Variants in SEPTIN6 observed in about 807,000 individuals in gnomAD.
SEPTIN6 encodes the protein septin-6.
SEPTIN6 carries 8 observed loss-of-function variants against 33.6 expected under a neutral mutation model. That is an observed-to-expected ratio of 0.24 (90% CI 0.14 to 0.43). The LOEUF is 0.43. Among genes scored for constraint, SEPTIN6 ranks in the 20% least tolerant of loss-of-function variants. SEPTIN6 has a pLI of 1.00. For missense variants in SEPTIN6, 250 were observed against 340.8 expected, an observed-to-expected ratio of 0.73 and a Z score of 2.10; for synonymous variants, 131 against 140.0, an observed-to-expected ratio of 0.94 and a Z score of 0.45.
chrX:119,675,769 G>A (rs67811876), intron 1 of SEPTIN6, 101 bp from the exon 2 acceptor site: 42,531 of 394,702 alleles, frequency 0.11, 1,798 homozygotes, highest in South Asian at 0.29. Flanking sequence ...AGTCACACCC[G>A]CCCAGGCCCA....
In SEPTIN6 at chrX:119,617,060, G is replaced by C. The variant is rs758114579; in HGVS notation, c.*3033C>G. The C allele has an allele frequency of 2.1e-5, 19 of 924,878 alleles. No individual in the cohort carries two copies. Among genetic ancestry groups the C allele is most frequent in the Non-Finnish European group, 2.5e-5 (19 of 745,342 alleles). 76.2% of individuals were successfully genotyped at this position (924,878 alleles called of 1,213,427 possible). A position where few individuals can be genotyped will look rare whatever the true frequency, so the allele number is the denominator to read the frequency against. On this transcript the variant is annotated 3_prime_UTR_variant, in exon 11 of 11. Coordinates refer to ENST00000394610, the MANE Select transcript of SEPTIN6 (RefSeq NM_145799.4). ...GCCATCTACACTGCAGCTAGGGAAA[G>C]CAAACTTCTTGGCTTAAGAGAAGTG...
At position 119,619,372 on chromosome X, in the gene SEPTIN6, A is replaced by G; in HGVS notation, c.*721T>C. 1 of 814,056 alleles carries G rather than the reference A, an allele frequency of 1.2e-6. No individual in the cohort carries two copies. The highest frequency in any genetic ancestry group is 1.5e-6 in the Non-Finnish European group (1 of 676,432). The allele number at this position is 814,056 out of a possible 1,213,427, so 67.1% of individuals were successfully genotyped here. On this transcript the variant is annotated 3_prime_UTR_variant, in exon 11 of 11. Coordinates refer to ENST00000394610, the MANE Select transcript of SEPTIN6 (RefSeq NM_145799.4). ...CCTTTTGCATCTGTGGGATACCCAG[A>G]GTTAGAGAGAGGGGAAACGTCTGCT... is the stretch of plus-strand genomic sequence containing the variant.
chrX:119,660,278 G>A (rs764320665), intron 3 of SEPTIN6, among the ~76,000 whole-genome samples: 3 of 112,272 alleles, frequency 2.7e-5, no homozygotes, highest in Non-Finnish European at 5.6e-5. Context: ...CTAATGCCTT[G>A]TTTCAATGAT....
chrX:119,676,512 G>A (rs1454178832), intron 1 of SEPTIN6, among the ~76,000 whole-genome samples: 1 of 110,893 alleles, frequency 9.0e-6, no homozygotes, highest in Admixed American at 9.6e-5. Context: ...TCTCACACCT[G>A]TAATCCCAAC....
chrX:119,685,428 G>A (rs2055039810), intron 1 of SEPTIN6, among the ~76,000 whole-genome samples: 2 of 111,303 alleles, frequency 1.8e-5, no homozygotes, highest in Non-Finnish European at 3.8e-5. Context: ...GGAAGCAGAC[G>A]CAGGCAAGGA....
At chrX:119,616,531 A>ACCAT (rs750286270), downstream of SEPTIN6, 8 of 539,289 alleles carry the variant, frequency 1.5e-5, no homozygotes, top group African/African-American at 1.8e-4. Context: ...CATTTAAAAT[A>ACCAT]CCATGTGAGT....
chrX:119,685,056 G>T (rs1011202887), intron 1 of SEPTIN6, among the ~76,000 whole-genome samples: 7 of 111,910 alleles, frequency 6.3e-5, no homozygotes, highest in African/African-American at 1.9e-4. Flanking sequence ...CCAGACAGAG[G>T]AGGAGGCCCA....
chrX:119,690,549 C>A (rs1255768790), intron 1 of SEPTIN6, among the ~76,000 whole-genome samples: 1 of 107,250 alleles, frequency 9.3e-6, no homozygotes, highest in Non-Finnish European at 1.9e-5. Flanking sequence ...ATGGTGAAAA[C>A]CCCCCTCTAC....
chrX:119,618,835 A>C lies in SEPTIN6; in HGVS notation c.*1258T>G. 1 of 1,207,303 alleles carries C rather than the reference A, an allele frequency of 8.3e-7. No homozygotes were observed. The highest frequency in any genetic ancestry group is 1.8e-5 in the South Asian group (1 of 56,037). ...GGCATGTTAGCCACAGATCATTGCC[A>C]GGTCAACTCCATCTCTCACACTGTC... On this transcript the variant is annotated 3_prime_UTR_variant, in exon 11 of 11. Transcript: ENST00000394610.
chrX:119,665,364 G>A (rs1304391179), intron 2 of SEPTIN6, among the ~76,000 whole-genome samples: 1 of 111,586 alleles, frequency 9.0e-6, no homozygotes, highest in African/African-American at 3.3e-5. Context: ...TCGGCCTCCC[G>A]AAGTACTGGG....
At chrX:119,680,980 C>T (rs867532660) in intron 1 of SEPTIN6, among the ~76,000 whole-genome samples, 2 of 77,986 alleles carry the variant, frequency 2.6e-5, no homozygotes, top group Non-Finnish European at 5.3e-5. Context: ...GACTCTGTCT[C>T]AAAAAAAAAA....
At chrX:119,689,443 A>G (rs1006982048) in intron 1 of SEPTIN6, among the ~76,000 whole-genome samples, 16 of 112,080 alleles carry the variant, frequency 1.4e-4, no homozygotes, top group South Asian at 1.1e-3. Context: ...AGTGTCCACA[A>G]TTTGTCATTC....
At chrX:119,685,775 A>G (rs1242666667) in intron 1 of SEPTIN6, among the ~76,000 whole-genome samples, 2 of 111,305 alleles carry the variant, frequency 1.8e-5, no homozygotes, top group African/African-American at 3.3e-5. Flanking sequence ...GAATCTGGAA[A>G]CCCGTGAGCT....
chrX:119,678,885 A>G (rs2054895117), intron 1 of SEPTIN6, among the ~76,000 whole-genome samples: 1 of 111,742 alleles, frequency 8.9e-6, no homozygotes, highest in South Asian at 3.8e-4. Flanking sequence ...AGGAGAGGAA[A>G]TGAATTTTCA....
rs1603332316 is a variant in SEPTIN6 at position 119,633,286 on chromosome X, G to A, written c.1089+74C>T. On this transcript the variant is annotated intron_variant, in intron 8 of 10. Transcript: ENST00000394610. ...ACATTCACACCAACAGTGTAAAAGC[G>A]TTCCTATTTTTCCACAGTCTCACCA... 1.8e-5 allele frequency: 18 copies of A among 994,177 alleles called. 1 individual carries two copies. The Admixed American group carries it at 2.4e-4, about 13-fold the overall frequency. 81.9% of individuals were successfully genotyped at this position (994,177 alleles called of 1,213,427 possible). A position where few individuals can be genotyped will look rare whatever the true frequency, so the allele number is the denominator to read the frequency against.
chrX:119,637,297 C>T (rs977969887), intron 6 of SEPTIN6, 102 bp from the exon 7 acceptor site: 2 of 732,679 alleles, frequency 2.7e-6, no homozygotes, highest in African/African-American at 4.2e-5. Context: ...GTGACGTTGC[C>T]TTGCAATCTG....
At chrX:119,651,566 G>A (rs1056308839) in intron 4 of SEPTIN6, among the ~76,000 whole-genome samples, 1 of 112,062 alleles carries the variant, frequency 8.9e-6, no homozygotes, top group Non-Finnish European at 1.9e-5. Flanking sequence ...AGCTACTCGG[G>A]AGGCTGAGGC....
In SEPTIN6 at chrX:119,618,288, C is replaced by G; in HGVS notation, c.*1805G>C. ...CTGGCTTGTGCTTTGGCAGCATCAC[C>G]TTCATACTTGCTCTGGTCACTCACC... On this transcript the variant is annotated 3_prime_UTR_variant, in exon 11 of 11. Coordinates refer to ENST00000394610, the MANE Select transcript of SEPTIN6 (RefSeq NM_145799.4). 1.2e-6 allele frequency: 1 copy of G among 810,451 alleles called. No homozygotes were observed. 66.8% of individuals were successfully genotyped at this position (810,451 alleles called of 1,213,427 possible).
At chrX:119,690,340 C>T (rs757796798) in intron 1 of SEPTIN6, among the ~76,000 whole-genome samples, 243 of 71,362 alleles carry the variant, frequency 3.4e-3, no homozygotes, top group Middle Eastern at 6.1e-3. Context: ...CCCCCACATA[C>T]ATACACATAC....
Sources: allele counts gnomAD v4.1 joint callset (sites outside exome capture counted in the v4.1 genomes callset), GRCh38; gene constraint gnomAD v4.1.1; transcripts MANE v1.5; gene names NCBI Gene and HGNC (gene_info 2026-07-23, HGNC 2026-07-21).